The following INO80 variants were observed in gnomAD, a reference collection of about 807,000 sequenced individuals.
The protein encoded by INO80 is chromatin-remodeling ATPase INO80.
INO80 carries 20 observed loss-of-function variants against 203.4 expected under a neutral mutation model. That is an observed-to-expected ratio of 0.10 (90% CI 0.07 to 0.14). The LOEUF is 0.14. INO80 is among the 10% of genes least tolerant of loss of function. The probability of loss-of-function intolerance (pLI) is 1.00; values close to 1 mark genes in which losing one functional copy is unlikely to be tolerated. For missense variants in INO80, 1,419 were observed against 1,914.4 expected (o/e 0.74, Z 4.83); for synonymous variants, 726 against 685.2 (o/e 1.06, Z -0.93).
At chr15:41,031,545 A>G (rs1336738686) in intron 24 of INO80, among the ~76,000 whole-genome samples, 236 of 2,482 alleles carry the variant, frequency 0.095, 16 homozygotes, top group African/African-American at 0.12. Context: ...GGAGGAAGGG[A>G]GGAGGGAGGA....
intron 27 of INO80, among the ~76,000 whole-genome samples, chr15:41,009,202 G>A (rs773748917): frequency 2.0e-5 from 3 of 149,002 alleles, no homozygotes; most frequent in Admixed American, 1.4e-4. Flanking sequence ...AACATATGCG[G>A]TTTTTGTTTT....
At chr15:41,114,928 G>A (rs1340335066) in intron 1 of INO80, among the ~76,000 whole-genome samples, 3 of 152,122 alleles carry the variant, frequency 2.0e-5, no homozygotes, top group Admixed American at 6.6e-5. Flanking sequence ...CTTTTAGGGT[G>A]ATGAATTAAA....
intron 23 of INO80, 63 bp downstream of exon 23, chr15:41,047,345 A>G: frequency 1.1e-6 from 1 of 947,370 alleles, no homozygotes. Context: ...ATTCCACAGT[A>G]TTCAATATCT....
chr15:41,036,179 A>C (rs934976784), intron 24 of INO80, among the ~76,000 whole-genome samples: 2 of 149,462 alleles, frequency 1.3e-5, no homozygotes, highest in African/African-American at 4.9e-5. Flanking sequence ...AAAAAAAAAA[A>C]AAAAAACCCA....
chr15:41,096,082 A>T, intron 2 of INO80, 86 bp downstream of exon 2: 1 of 1,449,552 alleles, frequency 6.9e-7, no homozygotes, highest in Admixed American at 2.5e-5. Context: ...CATAAAAATC[A>T]TAAGATACTT....
chr15:40,985,284 G>T (rs1439086726), intron 32 of INO80, 54 bp downstream of exon 32: 27 of 1,306,444 alleles, frequency 2.1e-5, no homozygotes, highest in Non-Finnish European at 2.7e-5. Context: ...AAGCCTTTTT[G>T]GTAAGTACCC....
chr15:41,049,302 T>C lies in INO80; in HGVS notation c.2561A>G (p.Asn854Ser), dbSNP rs138784219. Residue 854 changes from asparagine to serine, a missense_variant, in exon 21 of 36, where the codon AAT becomes AGT. By Grantham distance (46) the Asn-to-Ser change is conservative. Around this residue, in one of 9 missense-constraint regions of INO80, gnomAD observed 302 missense variants for 345.4 expected, o/e 0.87. Transcript: ENST00000648947. ...ACTTCCCTACCTGTCTCGTGAATGA[T>C]TGAAGACCCTGATCTGTCCATGACG... ...IYRHGQIRVFNHSRDRWLRVL... is the reference protein window; with the variant it reads ...IYRHGQIRVFSHSRDRWLRVL... 9.5e-5 allele frequency: 154 copies of C among 1,612,814 alleles called. No individual in the cohort carries two copies. Among genetic ancestry groups the C allele is most frequent in the African/African-American group, 2.1e-4 (16 of 74,882 alleles).
intron 5 of INO80, among the ~76,000 whole-genome samples, chr15:41,088,087 C>CTTTTTTTTTTT (rs943111352): frequency 2.0e-5 from 2 of 101,082 alleles, no homozygotes; most frequent in African/African-American, 4.0e-5. Context: ...GCTTGCTTTT[C>CTTTTTTTTTTT]TTTTTTTTTT....
intron 17 of INO80, 110 bp downstream of exon 17, chr15:41,056,512 A>C: frequency 1.2e-6 from 1 of 813,262 alleles, no homozygotes; most frequent in East Asian, 2.5e-5. Context: ...TGGGGACTAT[A>C]ATTTATACAA....
At chr15:41,097,498 G>C (rs1217671447) in intron 1 of INO80, among the ~76,000 whole-genome samples, 1 of 152,006 alleles carries the variant, frequency 6.6e-6, no homozygotes, top group Non-Finnish European at 1.5e-5. Flanking sequence ...TTATTGTTAT[G>C]ATTTTTTTCA....
At chr15:41,091,302 T>G (rs2045637581) in intron 5 of INO80, among the ~76,000 whole-genome samples, 1 of 151,804 alleles carries the variant, frequency 6.6e-6, no homozygotes, top group African/African-American at 2.4e-5. Context: ...TCAACTGATC[T>G]GCCCACTTCA....
chr15:41,077,489 A>T (rs2045423393), intron 9 of INO80, among the ~76,000 whole-genome samples: 1 of 152,202 alleles, frequency 6.6e-6, no homozygotes, highest in Non-Finnish European at 1.5e-5. Flanking sequence ...AACTTGAGAA[A>T]GAGAGTGAGA....
chr15:41,002,068 G>A (rs2043966528), intron 28 of INO80, among the ~76,000 whole-genome samples: 1 of 152,140 alleles, frequency 6.6e-6, no homozygotes, highest in Non-Finnish European at 1.5e-5. Context: ...CCAACTCTAA[G>A]CAACCAGTTT....
chr15:40,978,904 TTTTA>T lies in INO80; in HGVS notation c.*1315_*1318del, dbSNP rs1397539018. 3 of 152,612 alleles carry T rather than the reference TTTTA, an allele frequency of 2.0e-5. No homozygotes were observed. Among genetic ancestry groups the T allele is most frequent in the African/African-American group, 7.2e-5 (3 of 41,436 alleles). The allele number at this position is 152,612 out of a possible 1,614,324, so 9.5% of individuals were successfully genotyped here. A position where few individuals can be genotyped will look rare whatever the true frequency, so the allele number is the denominator to read the frequency against. On this transcript the variant is annotated 3_prime_UTR_variant, in exon 36 of 36. Transcript: ENST00000648947. ...ATTTACATAAAATTATCTCACTCCA[TTTTA>T]TTTAAGATTTTTTTATCCAGTTAGT...
chr15:41,050,227 T>G, intron 19 of INO80, 125 bp from the exon 20 acceptor site: 2 of 649,340 alleles, frequency 3.1e-6, no homozygotes, highest in South Asian at 4.0e-5. Context: ...GAACTCAGTA[T>G]CTCTATAAAC....
chr15:40,997,671 G>T, intron 28 of INO80, 70 bp from the exon 29 acceptor site: 2 of 986,454 alleles, frequency 2.0e-6, no homozygotes, highest in Non-Finnish European at 1.6e-6. Flanking sequence ...AATAGAGAGA[G>T]ATCTCTGAAT....
At chr15:41,056,530 G>T in intron 17 of INO80, 92 bp downstream of exon 17, 1 of 964,918 alleles carries the variant, frequency 1.0e-6, no homozygotes, top group Non-Finnish European at 1.6e-6. Flanking sequence ...CAAAGCAGTA[G>T]CACTGCAAGG....
chr15:40,980,155 C>T lies in INO80; in HGVS notation c.*68G>A. 5.3e-6 allele frequency: 7 copies of T among 1,318,700 alleles called. No homozygotes were observed. Among genetic ancestry groups the T allele is most frequent in the Non-Finnish European group, 7.7e-6 (7 of 914,538 alleles). 81.7% of individuals were successfully genotyped at this position (1,318,700 alleles called of 1,614,324 possible). A position where few individuals can be genotyped will look rare whatever the true frequency, so the allele number is the denominator to read the frequency against. On this transcript the variant is annotated 3_prime_UTR_variant, in exon 36 of 36. Coordinates refer to ENST00000648947, the MANE Select transcript of INO80 (RefSeq NM_017553.3). ...CAAGATGCTGCACGGGGCAAGCCAT[C>T]CAAAGACCACTGGCAGGTCAGGACT...
rs574692811 is a variant in INO80, at chr15:40,987,325, C to T, written c.3730-132G>A. On this transcript the variant is annotated intron_variant, in intron 30 of 35. Coordinates refer to ENST00000648947, the MANE Select transcript of INO80 (RefSeq NM_017553.3). ...CTGGTTTCCTATTTCTTCTTTTCTCCCTTTTCATTTCAGTTCATCTGATTG... is the reference window on the plus strand; with the variant it reads ...CTGGTTTCCTATTTCTTCTTTTCTCTCTTTTCATTTCAGTTCATCTGATTG... 1.9e-5 allele frequency: 11 copies of T among 571,206 alleles called. No individual in the cohort carries two copies. The African/African-American group carries it at 2.1e-4, about 11-fold the overall frequency. 35.4% of individuals were successfully genotyped at this position (571,206 alleles called of 1,614,324 possible). A position where few individuals can be genotyped will look rare whatever the true frequency, so the allele number is the denominator to read the frequency against.
Sources: allele counts gnomAD v4.1 joint callset (sites outside exome capture counted in the v4.1 genomes callset), GRCh38; gene constraint gnomAD v4.1.1; regional missense constraint gnomAD v4.1.1; transcripts MANE v1.5; gene names NCBI Gene and HGNC (gene_info 2026-07-23, HGNC 2026-07-21).